The following DAB2 variants were observed in gnomAD, a reference collection of about 807,000 sequenced individuals.
DAB2 encodes DAB adaptor protein 2.
A neutral mutation model predicts 71.6 loss-of-function variants in DAB2; 28 were observed. The ratio of observed to expected loss-of-function variants is 0.39; its 90% CI spans 0.29 to 0.54. DAB2 has a LOEUF of 0.54. DAB2 is among the 20% of genes least tolerant of loss of function. The pLI, the probability that DAB2 is intolerant of heterozygous loss-of-function variation, is 0.68. For missense variants in DAB2, 867 were observed against 928.8 expected, an observed-to-expected ratio of 0.93 and a Z score of 0.86; for synonymous variants, 345 against 339.7, an observed-to-expected ratio of 1.02 and a Z score of -0.17.
intron 1 of DAB2, among the ~76,000 whole-genome samples, chr5:39,421,107 C>T (rs1755974458): frequency 1.3e-5 from 2 of 152,090 alleles, no homozygotes; most frequent in African/African-American, 4.8e-5. Flanking sequence ...CTGACCAAAC[C>T]AAAGTGCAGG....
chr5:39,388,134 TC>T, intron 9 of DAB2, 170 bp downstream of exon 9: 1 of 594,314 alleles, frequency 1.7e-6, no homozygotes, highest in Non-Finnish European at 3.0e-6. Flanking sequence ...GTGGATAGGT[TC>T]CCATGGTGAC....
At chr5:39,384,099 C>T (rs1490716498) in intron 9 of DAB2, among the ~76,000 whole-genome samples, 2 of 152,186 alleles carry the variant, frequency 1.3e-5, no homozygotes, top group African/African-American at 4.8e-5. Flanking sequence ...CTTTTCATAA[C>T]ATTGCTTAGA....
chr5:39,376,626 T>C (rs1329041854), intron 12 of DAB2, 24 bp downstream of exon 12: 5 of 1,608,500 alleles, frequency 3.1e-6, no homozygotes, highest in South Asian at 2.2e-5. Flanking sequence ...GTTGGAACAG[T>C]AGGCAGAGTG....
chr5:39,395,893 T>C (rs552786227), intron 1 of DAB2, among the ~76,000 whole-genome samples: 1 of 151,926 alleles, frequency 6.6e-6, no homozygotes, highest in South Asian at 2.1e-4. Flanking sequence ...AGTATTACTG[T>C]ATCATATTTC....
At chr5:39,400,208 G>A (rs1027603459) in intron 1 of DAB2, among the ~76,000 whole-genome samples, 7 of 151,968 alleles carry the variant, frequency 4.6e-5, no homozygotes, top group Non-Finnish European at 8.8e-5. Context: ...TATTCCGAAA[G>A]GCCTATGAAA....
Position 39,390,453 on chromosome 5 carries a change from G to C in DAB2, c.453C>G (p.Thr151=). The C allele has an allele frequency of 6.2e-7, 1 of 1,613,908 alleles. No homozygotes were observed. The highest frequency in any genetic ancestry group is 8.5e-7 in the Non-Finnish European group (1 of 1,179,932). ...AAGACTTAGAGCTCACCTGTTGCCC[G>C]GTTTTTATGGCAAAAAACTGATGCT... The part of the protein sequence containing the change: ...EGQHQFFAIK[T]GQQAEPLVVD... The change falls in exon 5 of 15, where the codon ACC becomes ACG. Residue 151 remains threonine (T), a synonymous_variant. Transcript: ENST00000320816.
At chr5:39,386,818 G>A (rs1755108099) in intron 9 of DAB2, among the ~76,000 whole-genome samples, 1 of 152,170 alleles carries the variant, frequency 6.6e-6, no homozygotes, top group Non-Finnish European at 1.5e-5. Flanking sequence ...GGAAGTAAGT[G>A]TTCAGATACT....
At chr5:39,384,869 G>C (rs150823937) in intron 9 of DAB2, among the ~76,000 whole-genome samples, 1,602 of 151,942 alleles carry the variant, frequency 0.011, 20 homozygotes, top group African/African-American at 0.037. Context: ...GCATTACCCT[G>C]AGCAGAATAC....
rs933296040 is a variant in DAB2, at chr5:39,414,340, C to T, written c.-102+10464G>A. ...AAATTGTGTTAAGTCAAAGCAATAG[C>T]CTTAATTATCCAGTGCTAAGCCAAA... On this transcript the variant is annotated intron_variant, in intron 1 of 14. Transcript: ENST00000320816. 2.6e-5 allele frequency among the ~76,000 whole-genome samples: 4 copies of T among 152,076 alleles called. No homozygotes were observed. In the South Asian group the frequency reaches 6.2e-4, roughly 24 times the overall value.
At chr5:39,395,298 AAAG>A (rs1755334187) in intron 1 of DAB2, among the ~76,000 whole-genome samples, 1 of 152,186 alleles carries the variant, frequency 6.6e-6, no homozygotes, top group Admixed American at 6.5e-5. Context: ...GACCAAAGGC[AAAG>A]AAAAGCTATT....
chr5:39,389,942 G>C lies in DAB2; in HGVS notation c.463-10C>G, dbSNP rs1755185289. ...CAACTAATGGTTCAGCCTGCAGTAA[G>C]GGAAAGCACTGTTATCCGTATTTTA... On this transcript the variant is annotated splice_polypyrimidine_tract_variant and intron_variant, in intron 5 of 14. Transcript: ENST00000320816. 10 of 1,540,076 alleles carry C rather than the reference G, an allele frequency of 6.5e-6. No homozygotes were observed. Among genetic ancestry groups the C allele is most frequent in the Middle Eastern group, 1.7e-4 (1 of 5,864 alleles).
At chr5:39,377,363 G>A in intron 11 of DAB2, 81 bp from the exon 12 acceptor site, 2 of 1,429,192 alleles carry the variant, frequency 1.4e-6, no homozygotes, top group Non-Finnish European at 1.9e-6. Flanking sequence ...CAACTCTCTG[G>A]AAAGCCTCTC....
At chr5:39,410,289 C>A (rs555157037) in intron 1 of DAB2, among the ~76,000 whole-genome samples, 2 of 152,218 alleles carry the variant, frequency 1.3e-5, no homozygotes, top group South Asian at 2.1e-4. Context: ...TTGGTATTAA[C>A]AAATTTTGAG....
At chr5:39,378,324 C>T (rs1313769657) in intron 11 of DAB2, among the ~76,000 whole-genome samples, 2 of 152,210 alleles carry the variant, frequency 1.3e-5, no homozygotes. Flanking sequence ...TTAAACTCAC[C>T]GCTAAGAAGG....
At chr5:39,374,894 C>A in intron 14 of DAB2, 120 bp downstream of exon 14, 2 of 701,830 alleles carry the variant, frequency 2.8e-6, no homozygotes, top group South Asian at 3.3e-5. Flanking sequence ...CTGTCGATTA[C>A]TCCTAAATTA....
At chr5:39,404,722 G>A (rs1331563370) in intron 1 of DAB2, among the ~76,000 whole-genome samples, 2 of 152,052 alleles carry the variant, frequency 1.3e-5, no homozygotes, top group Non-Finnish European at 2.9e-5. Flanking sequence ...GGGACTACAG[G>A]TGCCCACCAC....
intron 11 of DAB2, among the ~76,000 whole-genome samples, chr5:39,379,425 C>G (rs1754904909): frequency 9.3e-6 from 1 of 107,398 alleles, no homozygotes; most frequent in Non-Finnish European, 1.7e-5. Context: ...GCCTGGGTGA[C>G]AGAGTGAGAC....
At position 39,392,343 on chromosome 5, in the gene DAB2, A is replaced by G. The variant is rs370104206; in HGVS notation, c.330+22T>C. ...GTCAGACTCAGGTGGTCAGAGAGGT[A>G]TCAGCAAATGTGAATTCTTACCCCA... On this transcript the variant is annotated intron_variant, in intron 4 of 14. Transcript: ENST00000320816. 19 of 1,573,892 alleles carry G rather than the reference A, an allele frequency of 1.2e-5. No individual in the cohort carries two copies. The African/African-American group carries it at 2.2e-4, about 18-fold the overall frequency.
rs114088802 is a variant in DAB2 at position 39,421,235 on chromosome 5, G to A, written c.-102+3569C>T. Among the ~76,000 whole-genome samples the A allele has an allele frequency of 9.7e-4, 147 of 152,200 alleles. 1 individual carries two copies. The highest frequency in any genetic ancestry group is 3.3e-3 in the African/African-American group (138 of 41,528). ...ATTAACCTTTTTCAAGTAGGTGAAG[G>A]GTATTCAATTTTCATGAAGAAATTT... On this transcript the variant is annotated intron_variant, in intron 1 of 14. Transcript: ENST00000320816.
Sources: gnomAD v4.1 joint callset for allele counts (sites outside exome capture counted in the v4.1 genomes callset) on GRCh38, gnomAD v4.1.1 for gene constraint, MANE v1.5 for transcripts, NCBI Gene and HGNC (gene_info 2026-07-23, HGNC 2026-07-21) for gene names.